Variants in ACSL4 observed in about 807,000 individuals in gnomAD.
ACSL4 encodes the protein acyl-CoA synthetase long chain family member 4.
In ACSL4, 9 loss-of-function variants were observed where a neutral mutation model predicts 49.1. The observed-to-expected ratio is 0.18, with a 90% CI of 0.11 to 0.32. ACSL4 has a LOEUF of 0.32. Among genes scored for constraint, ACSL4 ranks in the 10% least tolerant of loss-of-function variants. The probability of loss-of-function intolerance (pLI) is 1.00; values close to 1 mark genes in which losing one functional copy is unlikely to be tolerated. For missense variants in ACSL4, 333 were observed against 493.7 expected (o/e 0.67, Z 3.08); for synonymous variants, 191 against 170.3 (o/e 1.12, Z -0.95).
chrX:109,670,677 C>T (rs1156813699), intron 9 of ACSL4, among the ~76,000 whole-genome samples: 3 of 109,413 alleles, frequency 2.7e-5, no homozygotes, highest in Non-Finnish European at 3.8e-5. Context: ...TGATGCCGAG[C>T]GGAGGCTGGA....
intron 1 of ACSL4, among the ~76,000 whole-genome samples, chrX:109,711,844 G>A (rs1926769362): frequency 9.0e-6 from 1 of 111,729 alleles, no homozygotes; most frequent in South Asian, 3.7e-4. Flanking sequence ...GCTCCTTAGA[G>A]GCAGAGGTCA....
intron 10 of ACSL4, among the ~76,000 whole-genome samples, chrX:109,668,723 G>C (rs1389155201): frequency 1.8e-5 from 2 of 111,418 alleles, no homozygotes; most frequent in Non-Finnish European, 3.8e-5. Flanking sequence ...ACTTTTTTTA[G>C]TTAGAAATGA....
intron 2 of ACSL4, among the ~76,000 whole-genome samples, chrX:109,692,466 G>C: frequency 8.9e-6 from 1 of 111,970 alleles, no homozygotes; most frequent in East Asian, 2.8e-4. Context: ...GATAAATCAG[G>C]CTAGAAGTGG....
At chrX:109,721,048 A>G (rs967951255) in intron 1 of ACSL4, among the ~76,000 whole-genome samples, 2 of 112,364 alleles carry the variant, frequency 1.8e-5, no homozygotes, top group Non-Finnish European at 3.8e-5. Flanking sequence ...TGATTTTTCA[A>G]CTGTTCTTTG....
At chrX:109,655,240 G>A (rs1195127842) in intron 15 of ACSL4, among the ~76,000 whole-genome samples, 1 of 111,425 alleles carries the variant, frequency 9.0e-6, no homozygotes, top group East Asian at 2.8e-4. Context: ...AGGTAAAAGA[G>A]ACAATAACAG....
Position 109,733,257 on chromosome X carries a change from G to T in ACSL4, c.-184C>A, listed in dbSNP as rs944059510. The stretch of plus-strand genomic sequence containing the variant: ...GAGGAGGAGCGCGCGGCGGAGGCCA[G>T]AGAAAAAGCCGCAGCGGCGCGCGCG... On this transcript the variant is annotated 5_prime_UTR_variant, in exon 1 of 16. In the 5' UTR this introduces an upstream ATG that the reference lacks. Transcript: ENST00000672401. The T allele has an allele frequency of 6.6e-6, 2 of 302,451 alleles. No individual in the cohort carries two copies. Among genetic ancestry groups the T allele is most frequent in the Admixed American group, 7.4e-5 (2 of 26,941 alleles). The allele number at this position is 302,451 out of a possible 1,213,427, so 24.9% of individuals were successfully genotyped here. A position where few individuals can be genotyped will look rare whatever the true frequency, so the allele number is the denominator to read the frequency against.
chrX:109,648,819 C>T (rs1411299876), intron 15 of ACSL4, among the ~76,000 whole-genome samples: 1 of 99,819 alleles, frequency 1.0e-5, no homozygotes, highest in Non-Finnish European at 2.0e-5. Flanking sequence ...TAAGCAACTT[C>T]AGCAAAGTCT....
intron 11 of ACSL4, among the ~76,000 whole-genome samples, chrX:109,667,800 G>A (rs1403981593): frequency 9.0e-6 from 1 of 110,650 alleles, no homozygotes; most frequent in East Asian, 2.8e-4. Context: ...GCTGAGGCAG[G>A]AGAATTGTTT....
intron 1 of ACSL4, among the ~76,000 whole-genome samples, chrX:109,707,735 A>G (rs1163593809): frequency 8.9e-6 from 1 of 111,898 alleles, no homozygotes; most frequent in East Asian, 2.8e-4. Flanking sequence ...CAAATTCCCA[A>G]TAGGTGATTG....
At chrX:109,656,948 A>C (rs1921703133) in intron 15 of ACSL4, among the ~76,000 whole-genome samples, 1 of 111,658 alleles carries the variant, frequency 9.0e-6, no homozygotes, top group African/African-American at 3.3e-5. Flanking sequence ...AGTGGTCTGC[A>C]TGGGCATTGC....
chrX:109,678,919 A>C (rs1214076242), intron 6 of ACSL4, among the ~76,000 whole-genome samples: 1 of 112,039 alleles, frequency 8.9e-6, no homozygotes, highest in African/African-American at 3.2e-5. Context: ...GCCTCTCCAC[A>C]GTGTTGTATA....
intron 1 of ACSL4, among the ~76,000 whole-genome samples, chrX:109,715,923 A>C (rs1225900069): frequency 8.9e-6 from 1 of 112,328 alleles, no homozygotes; most frequent in Non-Finnish European, 1.9e-5. Context: ...CTGAAGTGGG[A>C]AACAAATGGT....
At chrX:109,664,301 A>G (rs762319888) in intron 12 of ACSL4, among the ~76,000 whole-genome samples, 5 of 111,869 alleles carry the variant, frequency 4.5e-5, no homozygotes, top group Non-Finnish European at 9.4e-5. Context: ...ATCAGAAAAT[A>G]AAAATTATAG....
chrX:109,704,068 G>A (rs982294833), intron 1 of ACSL4, among the ~76,000 whole-genome samples: 3 of 110,625 alleles, frequency 2.7e-5, no homozygotes, highest in African/African-American at 9.9e-5. Context: ...CCCACTTCAA[G>A]ACTATAAAAT....
At chrX:109,662,919 A>G (rs1922294385) in intron 13 of ACSL4, among the ~76,000 whole-genome samples, 1 of 111,154 alleles carries the variant, frequency 9.0e-6, no homozygotes, top group Non-Finnish European at 1.9e-5. Flanking sequence ...TTCCCTGCCC[A>G]TTCTCTCTAC....
chrX:109,703,881 G>A (rs1031503771), intron 1 of ACSL4, among the ~76,000 whole-genome samples: 1 of 109,833 alleles, frequency 9.1e-6, no homozygotes, highest in African/African-American at 3.3e-5. Context: ...GCAGTGAGCC[G>A]AGATTGCACC....
rs1423582671 is a variant in ACSL4 at position 109,683,179 on chromosome X, C to G, written c.185G>C (p.Ser62Thr). The change falls in exon 3 of 16, where the codon AGT (serine) becomes ACT (threonine). Residue 62 changes from serine (S) to threonine (T), a missense_variant. Ser to Thr is a moderately conservative substitution (Grantham distance 58). Coordinates refer to ENST00000672401, the MANE Select transcript of ACSL4 (RefSeq NM_001318510.2). ...ATTTGGCTGCATTTCATTTTCTTCA[C>G]TTAGGATTTCCCTGGTCCCAAGGCT... ...KDSLGTREIL[S>T]EENEMQPNGK... The G allele has an allele frequency of 2.5e-6, 3 of 1,210,078 alleles. No homozygotes were observed. In the African/African-American group the frequency reaches 5.2e-5, roughly 21 times the overall value.
Position 109,663,304 on chromosome X carries a change from C to A in ACSL4, c.1489G>T (p.Ala497Ser). 1.7e-6 allele frequency: 2 copies of A among 1,207,168 alleles called. No individual in the cohort carries two copies. The highest frequency in any genetic ancestry group is 2.2e-6 in the Non-Finnish European group (2 of 891,388). Residue 497 changes from alanine (A) to serine (S), a missense_variant, in exon 13 of 16, where the codon GCA becomes TCA. By Grantham distance (99) the Ala-to-Ser change is moderately conservative. Coordinates refer to ENST00000672401, the MANE Select transcript of ACSL4 (RefSeq NM_001318510.2). The part of the protein sequence containing the change: ...MGYFKNEEKT[A>S]EDYSVDENGQ... ...TTTTCATCCACAGAATAATCTTCTG[C>A]TGTTTTCTCTTCATTTTTAAAATAT...
intron 9 of ACSL4, among the ~76,000 whole-genome samples, chrX:109,671,898 A>G (rs776119040): frequency 9.1e-6 from 1 of 109,604 alleles, no homozygotes; most frequent in East Asian, 2.9e-4. Context: ...AACAGTCATC[A>G]CCACTCCCTA....
Sources: gnomAD v4.1 joint callset for allele counts (sites outside exome capture counted in the v4.1 genomes callset) on GRCh38, gnomAD v4.1.1 for gene constraint, MANE v1.5 for transcripts, NCBI Gene and HGNC (gene_info 2026-07-23, HGNC 2026-07-21) for gene names.